Variants in UGT3A1 observed in about 807,000 individuals in gnomAD.
UGT3A1 encodes the protein UDP-glycosyltransferase 3A1.
In UGT3A1, 40 loss-of-function variants were observed where a neutral mutation model predicts 37.6. The observed-to-expected ratio is 1.06, with a 90% CI of 0.83 to 1.38. The LOEUF is 1.38. Among genes scored for constraint, UGT3A1 ranks in the 40% most tolerant of loss-of-function variants. UGT3A1 has a pLI of 0.00. For missense variants in UGT3A1, 642 were observed against 634.2 expected (o/e 1.01, Z -0.13); for synonymous variants, 256 against 232.3 (o/e 1.10, Z -0.93).
At chr5:35,992,110 C>A (rs762222878), upstream of UGT3A1, among the ~76,000 whole-genome samples, 33 of 152,184 alleles carry the variant, frequency 2.2e-4, no homozygotes, top group Non-Finnish European at 3.7e-4. Context: ...GCTTTCAGTG[C>A]AATTCTAGAC....
intron 1 of UGT3A1, among the ~76,000 whole-genome samples, chr5:35,998,081 A>G (rs906248424): frequency 6.6e-6 from 1 of 152,184 alleles, no homozygotes; most frequent in Non-Finnish European, 1.5e-5. Flanking sequence ...CTGTATGCCT[A>G]CCTAAAAAAA....
At chr5:35,957,447 G>T (rs2149950019) in intron 4 of UGT3A1, 28 bp from the exon 5 acceptor site, 2 of 1,600,962 alleles carry the variant, frequency 1.2e-6, no homozygotes, top group South Asian at 2.2e-5. Context: ...AAGAAAGGAG[G>T]TGGCAAAATT....
chr5:35,966,505 AAGCC>A (rs895092857), intron 3 of UGT3A1, among the ~76,000 whole-genome samples: 45 of 152,292 alleles, frequency 3.0e-4, no homozygotes, highest in African/African-American at 1.0e-3. Context: ...ATAAAAATAA[AAGCC>A]TGGTTTGAAA....
intron 2 of UGT3A1, among the ~76,000 whole-genome samples, chr5:35,984,161 C>A (rs1436184158): frequency 6.6e-6 from 1 of 152,082 alleles, no homozygotes; most frequent in Non-Finnish European, 1.5e-5. Context: ...CCTAGAGACC[C>A]TAGCAAAAAA....
chr5:35,958,339 A>T (rs1008656212), intron 4 of UGT3A1, among the ~76,000 whole-genome samples: 1 of 152,120 alleles, frequency 6.6e-6, no homozygotes, highest in Non-Finnish European at 1.5e-5. Context: ...ATTACTTCCA[A>T]ACATTTCTTC....
intron 2 of UGT3A1, among the ~76,000 whole-genome samples, chr5:35,977,695 C>A (rs1452107063): frequency 6.6e-6 from 1 of 152,236 alleles, no homozygotes; most frequent in Non-Finnish European, 1.5e-5. Context: ...AAATAAACCT[C>A]TTTTCTTTAT....
At chr5:35,991,391 G>A (rs935431724), upstream of UGT3A1, 28 of 1,467,606 alleles carry the variant, frequency 1.9e-5, no homozygotes, top group African/African-American at 2.6e-4. Flanking sequence ...TCGCCCTTCT[G>A]TTCGTTCTCT....
chr5:35,965,716 G>A lies in UGT3A1; in HGVS notation c.513C>T (p.Gly171=), dbSNP rs531344958. 2 of 1,614,186 alleles carry A rather than the reference G, an allele frequency of 1.2e-6. No homozygotes were observed. The highest frequency in any genetic ancestry group is 1.3e-5 in the African/African-American group (1 of 75,052). The stretch of plus-strand genomic sequence containing the variant: ...GGCTTGGTAGCCCAAAATCCAAAGA[G>A]CCGAATGTGGTGGGAAGAATGGCCA... ...PFVAILPTTF[G]SLDFGLPSPL... is the part of the protein sequence containing the mutation. The change falls in exon 4 of 7, where the codon GGC becomes GGT. Residue 171 remains glycine (G), a synonymous_variant. Coordinates refer to ENST00000274278, the MANE Select transcript of UGT3A1 (RefSeq NM_152404.4).
rs1739254842 is a variant in UGT3A1 at position 35,953,965 on chromosome 5, A to G, written c.*237T>C. ...TAGGAAAAGGGAGAAAGGAGGAGGC[A>G]GGGCTGGCAGGTGAAAATTTGTATC... On this transcript the variant is annotated 3_prime_UTR_variant, in exon 7 of 7. Transcript: ENST00000274278. The G allele has an allele frequency of 2.0e-6, 1 of 488,408 alleles. No individual in the cohort carries two copies. The highest frequency in any genetic ancestry group is 3.7e-6 in the Non-Finnish European group (1 of 273,108). 30.3% of individuals were successfully genotyped at this position (488,408 alleles called of 1,614,324 possible).
rs753110453 is a variant in UGT3A1 at position 35,955,947 on chromosome 5, C to T, written c.1076-83G>A. ...GGTAAAGCAGAAAAGTCAGATGAAA[C>T]ACCAATGAAATCAAGGTCTGTTGAG... On this transcript the variant is annotated intron_variant, in intron 5 of 6. Coordinates refer to ENST00000274278, the MANE Select transcript of UGT3A1 (RefSeq NM_152404.4). 40 of 1,360,626 alleles carry T rather than the reference C, an allele frequency of 2.9e-5. 1 individual carries two copies. Among genetic ancestry groups the T allele is most frequent in the Admixed American group, 5.7e-5 (3 of 53,002 alleles). The allele number at this position is 1,360,626 out of a possible 1,614,324, so 84.3% of individuals were successfully genotyped here.
Position 35,955,651 on chromosome 5 carries a change from T to C in UGT3A1, c.1289A>G (p.Asp430Gly), listed in dbSNP as rs763024246. Reference protein sequence around the residue: ...LTLTMKQVIEDKRYKSAVVAA... With the variant: ...LTLTMKQVIEGKRYKSAVVAA... ...TGCTTAGAGAGCCACATACCTCTTGTCTTCTATGACTTGTTTCATTGTAAG... is the reference window on the plus strand; with the variant it reads ...TGCTTAGAGAGCCACATACCTCTTGCCTTCTATGACTTGTTTCATTGTAAG... The change falls in exon 6 of 7, where the codon GAC becomes GGC. Residue 430 changes from aspartate (D) to glycine (G), a missense_variant. Transcript: ENST00000274278. The C allele has an allele frequency of 6.2e-7, 1 of 1,614,226 alleles. No homozygotes were observed. The highest frequency in any genetic ancestry group is 8.5e-7 in the Non-Finnish European group (1 of 1,180,040).
At chr5:35,966,195 A>T (rs1489860289) in intron 3 of UGT3A1, among the ~76,000 whole-genome samples, 1 of 152,222 alleles carries the variant, frequency 6.6e-6, no homozygotes, top group Admixed American at 6.5e-5. Context: ...TCTGGGAGCC[A>T]TCTCTGACCA....
At chr5:35,997,069 G>A (rs1218662406) in intron 2 of UGT3A1, among the ~76,000 whole-genome samples, 1 of 152,106 alleles carries the variant, frequency 6.6e-6, no homozygotes, top group Non-Finnish European at 1.5e-5. Context: ...TCTGAAAAAG[G>A]GGCTCATTAT....
At chr5:35,961,654 A>G (rs755035486) in intron 4 of UGT3A1, 2 of 152,232 alleles carry the variant, frequency 1.3e-5, no homozygotes, top group African/African-American at 2.4e-5. Context: ...CATGGTGACC[A>G]TTAATGCTTC....
At chr5:35,963,185 T>A (rs1739659732) in intron 4 of UGT3A1, among the ~76,000 whole-genome samples, 1 of 152,238 alleles carries the variant, frequency 6.6e-6, no homozygotes, top group Admixed American at 6.5e-5. Context: ...TCCCCTGCTG[T>A]TGAAAACCTT....
intron 2 of UGT3A1, among the ~76,000 whole-genome samples, chr5:35,980,570 C>A (rs1740481303): frequency 6.6e-6 from 1 of 152,174 alleles, no homozygotes; most frequent in South Asian, 2.1e-4. Context: ...CAGAAATAAT[C>A]AAGTAGAATA....
In UGT3A1 at chr5:35,955,652, C is replaced by A; in HGVS notation, c.1288G>T (p.Asp430Tyr). Residue 430 changes from aspartate (D) to tyrosine (Y), a missense_variant, in exon 6 of 7, where the codon GAC becomes TAC. Transcript: ENST00000274278. ...GCTTAGAGAGCCACATACCTCTTGTCTTCTATGACTTGTTTCATTGTAAGT... is the reference window on the plus strand; with the variant it reads ...GCTTAGAGAGCCACATACCTCTTGTATTCTATGACTTGTTTCATTGTAAGT... ...LTLTMKQVIE[D>Y]KRYKSAVVAA... 1 of 1,614,206 alleles carries A rather than the reference C, an allele frequency of 6.2e-7. No individual in the cohort carries two copies. The highest frequency in any genetic ancestry group is 1.6e-4 in the Middle Eastern group (1 of 6,062).
chr5:35,994,287 T>C (rs927351857), upstream of UGT3A1, among the ~76,000 whole-genome samples: 2 of 152,066 alleles, frequency 1.3e-5, no homozygotes, highest in African/African-American at 4.8e-5. Context: ...TTGTTAGTTT[T>C]GCTTAACGGT....
intron 1 of UGT3A1, among the ~76,000 whole-genome samples, chr5:35,989,030 T>A (rs759615092): frequency 6.6e-6 from 1 of 152,216 alleles, no homozygotes; most frequent in Non-Finnish European, 1.5e-5. Context: ...TGGAAAAGTA[T>A]GCTACTGTAG....
Sources: allele counts gnomAD v4.1 joint callset (sites outside exome capture counted in the v4.1 genomes callset), GRCh38; gene constraint gnomAD v4.1.1; transcripts MANE v1.5; gene names NCBI Gene and HGNC (gene_info 2026-07-23, HGNC 2026-07-21).